The following DPYSL5 variants were observed in gnomAD, a reference collection of about 807,000 sequenced individuals.
DPYSL5 encodes the protein dihydropyrimidinase-related protein 5.
A neutral mutation model predicts 58.4 loss-of-function variants in DPYSL5; 9 were observed. The observed-to-expected ratio is 0.15, with a 90% CI of 0.09 to 0.27. The LOEUF is 0.27. Among genes scored for constraint, DPYSL5 ranks in the 10% least tolerant of loss-of-function variants. The pLI, the probability that DPYSL5 is intolerant of heterozygous loss-of-function variation, is 1.00. For synonymous variants in DPYSL5, 293 were observed against 301.9 expected, an observed-to-expected ratio of 0.97 and a Z score of 0.31; for missense variants, 499 against 770.6, an observed-to-expected ratio of 0.65 and a Z score of 4.17.
Position 26,933,440 on chromosome 2 carries a change from C to A in DPYSL5, c.790+107C>A. The A allele has an allele frequency of 2.0e-6, 2 of 992,572 alleles. No individual in the cohort carries two copies. The highest frequency in any genetic ancestry group is 3.1e-6 in the Non-Finnish European group (2 of 642,762). The allele number at this position is 992,572 out of a possible 1,614,324, so 61.5% of individuals were successfully genotyped here. The stretch of plus-strand genomic sequence containing the variant: ...CTGGCCCCGGCTCCTGAAACCAGGA[C>A]CTGAGCCAGCCCTTCCCTTTCATCT... On this transcript the variant is annotated intron_variant, in intron 7 of 12. Transcript: ENST00000288699. The surrounding 1 kb of genome is among the most constrained non-coding windows in gnomAD (Gnocchi z 4.2).
At chr2:26,882,866 G>T (rs966694262) in intron 1 of DPYSL5, among the ~76,000 whole-genome samples, 1 of 149,172 alleles carries the variant, frequency 6.7e-6, no homozygotes, top group Non-Finnish European at 1.5e-5. Flanking sequence ...TGAGCCGATC[G>T]TGCCACTGCA....
At chr2:26,856,929 A>G (rs1233039562) in intron 1 of DPYSL5, among the ~76,000 whole-genome samples, 1 of 147,956 alleles carries the variant, frequency 6.8e-6, no homozygotes, top group Non-Finnish European at 1.5e-5. Context: ...AATAAATATT[A>G]TATATGTATA....
intron 1 of DPYSL5, among the ~76,000 whole-genome samples, chr2:26,869,934 C>G (rs190221244): frequency 1.8e-3 from 280 of 152,316 alleles, no homozygotes; most frequent in African/African-American, 6.3e-3. Flanking sequence ...TTGCTTGAAC[C>G]TGGGAGGCGG....
At position 26,942,100 on chromosome 2, in the gene DPYSL5, T is replaced by C; in HGVS notation, c.1232+8T>C. ...GGACCCAGAAGCCACAAAGTAAAGTTTGTTGCTCGTCCCCAGGGCTAGAGG... is the reference window on the plus strand; with the variant it reads ...GGACCCAGAAGCCACAAAGTAAAGTCTGTTGCTCGTCCCCAGGGCTAGAGG... On this transcript the variant is annotated splice_region_variant and intron_variant, in intron 10 of 12. Transcript: ENST00000288699. This position sits in a 1 kb window ranked among gnomAD's most constrained non-coding sequence, Gnocchi z 5.9. The C allele has an allele frequency of 6.2e-7, 1 of 1,614,048 alleles. No individual in the cohort carries two copies. Among genetic ancestry groups the C allele is most frequent in the Non-Finnish European group, 8.5e-7 (1 of 1,179,986 alleles).
chr2:26,932,192 AAAGAAAGAAAGAAAGAAAAG>A lies in DPYSL5; in HGVS notation c.714+511_714+530del, dbSNP rs1268611045. 8.5e-3 allele frequency among the ~76,000 whole-genome samples: 703 copies of A among 83,150 alleles called. 4 individuals are homozygous for A. The highest frequency in any genetic ancestry group is 9.1e-3 in the East Asian group (28 of 3,068). The allele number at this position is 83,150 out of a possible 152,430, so 54.5% of individuals were successfully genotyped here. ...GAAAGAAAGAAAGAAAGAAAGAAAG[AAAGAAAGAAAGAAAGAAAAG>A]AAAGAAAGAAAGAAAGAAAGAAAAC... On this transcript the variant is annotated intron_variant, in intron 6 of 12. Transcript: ENST00000288699.
chr2:26,869,472 C>A (rs1335629458), intron 1 of DPYSL5, among the ~76,000 whole-genome samples: 1 of 152,140 alleles, frequency 6.6e-6, no homozygotes, highest in Non-Finnish European at 1.5e-5. Context: ...CATTCCCACC[C>A]CCAGCCCTAG....
At chr2:26,930,771 G>A (rs988850570) in intron 5 of DPYSL5, among the ~76,000 whole-genome samples, 6 of 152,030 alleles carry the variant, frequency 3.9e-5, no homozygotes, top group Non-Finnish European at 7.4e-5. Flanking sequence ...TCAGGAGATC[G>A]AGACCATCCT....
chr2:26,870,819 T>C (rs1191810471), intron 1 of DPYSL5, among the ~76,000 whole-genome samples: 1 of 152,050 alleles, frequency 6.6e-6, no homozygotes, highest in Non-Finnish European at 1.5e-5. Flanking sequence ...AACAACAAGG[T>C]TGAGAGGTAG....
intron 1 of DPYSL5, among the ~76,000 whole-genome samples, chr2:26,886,699 C>G (rs1663728140): frequency 6.6e-6 from 1 of 152,160 alleles, no homozygotes; most frequent in South Asian, 2.1e-4. Context: ...TCATCTCAAA[C>G]TCCCCTTTGG....
intron 5 of DPYSL5, among the ~76,000 whole-genome samples, chr2:26,928,996 A>T (rs765680506): frequency 6.6e-6 from 1 of 151,926 alleles, no homozygotes. Flanking sequence ...ACTTTGGACC[A>T]GGGGTCACCA....
intron 8 of DPYSL5, chr2:26,938,634 A>G (rs976561433): frequency 2.6e-5 from 4 of 152,212 alleles, no homozygotes; most frequent in African/African-American, 7.2e-5. Flanking sequence ...AGACAGCCCT[A>G]TGGAGCTAAC....
At position 26,908,268 on chromosome 2, in the gene DPYSL5, C is replaced by T. The variant is rs116240402; in HGVS notation, c.261+9508C>T. On this transcript the variant is annotated intron_variant, in intron 2 of 12. Transcript: ENST00000288699. ...TGAAAGAACTGGATTTCATTCCTAGCGTTCGAATTTCTGTGTGTGTTTTAG... is the reference window on the plus strand; with the variant it reads ...TGAAAGAACTGGATTTCATTCCTAGTGTTCGAATTTCTGTGTGTGTTTTAG... Among the ~76,000 whole-genome samples, 390 of 152,240 alleles carry T rather than the reference C, an allele frequency of 2.6e-3. 2 individuals carry two copies. Among genetic ancestry groups the T allele is most frequent in the African/African-American group, 9.0e-3 (373 of 41,534 alleles).
chr2:26,916,326 G>A (rs1664563181), intron 2 of DPYSL5, among the ~76,000 whole-genome samples: 2 of 152,138 alleles, frequency 1.3e-5, no homozygotes, highest in African/African-American at 2.4e-5. Context: ...CCCAGAGCCT[G>A]CTTGTGGCTG....
chr2:26,939,217 A>G (rs879502974), intron 8 of DPYSL5: 2 of 152,138 alleles, frequency 1.3e-5, no homozygotes, highest in Non-Finnish European at 2.9e-5. Flanking sequence ...GGCTCACTGC[A>G]GCCTCCGCCT....
In DPYSL5 at chr2:26,895,775, C is replaced by CTTTTTTTT. The variant is rs869030530; in HGVS notation, c.-4-2705_-4-2698dup. 1.4e-3 allele frequency among the ~76,000 whole-genome samples: 141 copies of CTTTTTTTT among 101,098 alleles called. 1 individual carries two copies. The highest frequency in any genetic ancestry group is 3.1e-3 in the African/African-American group (80 of 25,510). 66.3% of individuals were successfully genotyped at this position (101,098 alleles called of 152,430 possible). On this transcript the variant is annotated intron_variant, in intron 1 of 12. Coordinates refer to ENST00000288699, the MANE Select transcript of DPYSL5 (RefSeq NM_020134.4). ...ACCATTCTGTTCTCTATTTCTTTTT[C>CTTTTTTTT]TTTTTTTTTTTTTTTTTTTTTTTGA...
chr2:26,908,204 C>T (rs539934760), intron 2 of DPYSL5, among the ~76,000 whole-genome samples: 23 of 152,270 alleles, frequency 1.5e-4, no homozygotes, highest in African/African-American at 5.1e-4. Flanking sequence ...TCCATTTGTA[C>T]GAGCATACAT....
At chr2:26,904,697 G>T (rs899098587) in intron 2 of DPYSL5, among the ~76,000 whole-genome samples, 1 of 152,142 alleles carries the variant, frequency 6.6e-6, no homozygotes, top group African/African-American at 2.4e-5. Flanking sequence ...GAGCCCAGGA[G>T]TTTGAGAGCA....
intron 2 of DPYSL5, among the ~76,000 whole-genome samples, chr2:26,908,474 C>T (rs995914779): frequency 6.6e-6 from 1 of 152,162 alleles, no homozygotes; most frequent in Admixed American, 6.5e-5. Flanking sequence ...TTTCATTCTA[C>T]GTGTACATTA....
At chr2:26,902,053 C>A (rs999532174) in intron 2 of DPYSL5, among the ~76,000 whole-genome samples, 4 of 152,060 alleles carry the variant, frequency 2.6e-5, no homozygotes, top group African/African-American at 9.7e-5. Flanking sequence ...ACCCCACCAC[C>A]TGCAGGCCCC....
Sources: allele counts gnomAD v4.1 joint callset (sites outside exome capture counted in the v4.1 genomes callset), GRCh38; gene constraint gnomAD v4.1.1; non-coding constraint Gnocchi (gnomAD v3.1); transcripts MANE v1.5; gene names NCBI Gene and HGNC (gene_info 2026-07-23, HGNC 2026-07-21).